Variants in DNAI1 observed in about 807,000 individuals in gnomAD.
DNAI1 encodes dynein, axonemal, intermediate polypeptide 1.
A neutral mutation model predicts 92.0 loss-of-function variants in DNAI1; 67 were observed. The observed-to-expected ratio is 0.73, with a 90% CI of 0.60 to 0.89. The LOEUF is 0.89. DNAI1 is among the 40% of genes least tolerant of loss of function. The pLI, the probability that DNAI1 is intolerant of heterozygous loss-of-function variation, is 0.00. For missense variants in DNAI1, 839 were observed against 866.6 expected (o/e 0.97, Z 0.40); for synonymous variants, 323 against 319.6 (o/e 1.01, Z -0.11).
At chr9:34,484,051 A>G (rs1824426151) in intron 2 of DNAI1, among the ~76,000 whole-genome samples, 1 of 152,042 alleles carries the variant, frequency 6.6e-6, no homozygotes, top group Non-Finnish European at 1.5e-5. Flanking sequence ...CCCCATCTCT[A>G]CTAAAATACA....
In DNAI1 at chr9:34,512,155, CTG is replaced by C. The variant is rs997138501; in HGVS notation, c.1362_1363del (p.Ser455IlefsTer2). On this transcript the variant is annotated frameshift_variant, in exon 14 of 20. Transcript: ENST00000242317. LOFTEE classifies it high-confidence loss of function. Reference sequence around the variant, plus strand: ...ATGGACCAAAACCTTAACTTCTTCTCTGTGTCATCTGACGGCAGGATTGTGTC... The same window carrying C: ...ATGGACCAAAACCTTAACTTCTTCTCTGTCATCTGACGGCAGGATTGTGTC... 2 of 1,614,204 alleles carry C rather than the reference CTG, an allele frequency of 1.2e-6. No homozygotes were observed. The highest frequency in any genetic ancestry group is 2.7e-5 in the African/African-American group (2 of 75,046).
Position 34,512,130 on chromosome 9 carries a change from A to G in DNAI1, c.1333A>G (p.Met445Val), listed in dbSNP as rs2132081299. The stretch of plus-strand genomic sequence containing the variant: ...TCAGGTCAAGTGGCAGAAGGATGAC[A>G]TGGACCAAAACCTTAACTTCTTCTC... Reference protein sequence around the residue: ...VWQVKWQKDDMDQNLNFFSVS... With the variant: ...VWQVKWQKDDVDQNLNFFSVS... The change falls in exon 14 of 20, where the codon ATG (methionine) becomes GTG (valine). Residue 445 changes from methionine (M) to valine (V), a missense_variant. Physicochemically the swap from Met to Val is conservative, Grantham distance 21. Coordinates refer to ENST00000242317, the MANE Select transcript of DNAI1 (RefSeq NM_012144.4). The G allele has an allele frequency of 6.2e-7, 1 of 1,614,168 alleles. No individual in the cohort carries two copies. Among genetic ancestry groups the G allele is most frequent in the Non-Finnish European group, 8.5e-7 (1 of 1,180,026 alleles).
intron 4 of DNAI1, among the ~76,000 whole-genome samples, chr9:34,486,877 A>G (rs1039249346): frequency 3.9e-5 from 6 of 152,208 alleles, no homozygotes; most frequent in Non-Finnish European, 7.3e-5. Context: ...ATTATACACC[A>G]TGTGGTCTTT....
At chr9:34,503,416 C>T (rs953438351) in intron 12 of DNAI1, among the ~76,000 whole-genome samples, 3 of 152,162 alleles carry the variant, frequency 2.0e-5, no homozygotes, top group Admixed American at 1.3e-4. Context: ...TTGGAAGCTC[C>T]CAGATACCAC....
In DNAI1 at chr9:34,516,806, C is replaced by A. The variant is rs561615839; in HGVS notation, c.1819-479C>A. Among the ~76,000 whole-genome samples the A allele has an allele frequency of 2.0e-5, 3 of 150,380 alleles. No homozygotes were observed. In the East Asian group the frequency reaches 5.8e-4, roughly 29 times the overall value. On this transcript the variant is annotated intron_variant, in intron 18 of 19. Coordinates refer to ENST00000242317, the MANE Select transcript of DNAI1 (RefSeq NM_012144.4). ...CCAGGCTGGAGTACAGTGGCTCCATCTTGGCTCACTGTAACCTCCGCCTCC... is the reference window on the plus strand; with the variant it reads ...CCAGGCTGGAGTACAGTGGCTCCATATTGGCTCACTGTAACCTCCGCCTCC...
chr9:34,514,508 G>A lies in DNAI1; in HGVS notation c.1684G>A (p.Asp562Asn), dbSNP rs1371519471. The A allele has an allele frequency of 7.4e-6, 12 of 1,614,058 alleles. No individual in the cohort carries two copies. Among genetic ancestry groups the A allele is most frequent in the Non-Finnish European group, 9.3e-6 (11 of 1,180,040 alleles). The change falls in exon 17 of 20, where the codon GAC (aspartate) becomes AAC (asparagine). Residue 562 changes from aspartate (D) to asparagine (N), a missense_variant. Physicochemically the swap from Asp to Asn is conservative, Grantham distance 23. Coordinates refer to ENST00000242317, the MANE Select transcript of DNAI1 (RefSeq NM_012144.4). ...HTKVFMSCSSDWTVKIWDHTI... is the reference protein window; with the variant it reads ...HTKVFMSCSSNWTVKIWDHTI... ...CAAGGTCTTCATGTCCTGCAGCTCC[G>A]ACTGGACAGTGAAGATCTGGGACCA...
intron 1 of DNAI1, among the ~76,000 whole-genome samples, chr9:34,482,390 C>T (rs1824377279): frequency 6.8e-6 from 1 of 146,598 alleles, no homozygotes. Context: ...CTCTGCACGT[C>T]CTCACCAGAG....
intron 1 of DNAI1, among the ~76,000 whole-genome samples, chr9:34,474,430 TCTCA>T (rs1824200996): frequency 6.6e-6 from 1 of 151,820 alleles, no homozygotes; most frequent in Non-Finnish European, 1.5e-5. Flanking sequence ...AGAGATGAAG[TCTCA>T]CTATGTTGCC....
intron 1 of DNAI1, among the ~76,000 whole-genome samples, chr9:34,473,579 A>G (rs952830486): frequency 7.2e-4 from 110 of 152,354 alleles, no homozygotes; most frequent in African/African-American, 2.5e-3. Context: ...GGTGTGAGCC[A>G]CCATGCCCAG....
intron 1 of DNAI1, among the ~76,000 whole-genome samples, chr9:34,465,709 G>C (rs898044387): frequency 6.6e-6 from 1 of 152,236 alleles, no homozygotes; most frequent in African/African-American, 2.4e-5. Flanking sequence ...TCCTGTGCTC[G>C]TTGCTGGGCT....
At chr9:34,490,846 T>C (rs1416477119) in intron 7 of DNAI1, among the ~76,000 whole-genome samples, 1 of 152,208 alleles carries the variant, frequency 6.6e-6, no homozygotes, top group Non-Finnish European at 1.5e-5. Flanking sequence ...GTTGATGATC[T>C]CTGTGATAGA....
Position 34,458,950 on chromosome 9 carries a change from G to T in DNAI1, c.-56G>T. ...TTTCTTGTGTGTGGTCAAGGAGACG[G>T]ACAAACTTTTTGTCTTCAGACGAGG... is the stretch of plus-strand genomic sequence containing the variant. On this transcript the variant is annotated 5_prime_UTR_variant, in exon 1 of 20. Coordinates refer to ENST00000242317, the MANE Select transcript of DNAI1 (RefSeq NM_012144.4). The surrounding 1 kb of genome is among the most constrained non-coding windows in gnomAD (Gnocchi z 6.6). 2 of 1,550,778 alleles carry T rather than the reference G, an allele frequency of 1.3e-6. No homozygotes were observed. Among genetic ancestry groups the T allele is most frequent in the Admixed American group, 3.3e-5 (2 of 59,842 alleles).
Position 34,481,098 on chromosome 9 carries a change from G to A in DNAI1, c.49-2350G>A, listed in dbSNP as rs147926199. ...TCTACTAAAAATACAAAAATTAGCCGGGCGTGGTGGCAGACGCCTGTAACC... is the reference window on the plus strand; with the variant it reads ...TCTACTAAAAATACAAAAATTAGCCAGGCGTGGTGGCAGACGCCTGTAACC... On this transcript the variant is annotated intron_variant, in intron 1 of 19. Transcript: ENST00000242317. 4.5e-4 allele frequency among the ~76,000 whole-genome samples: 68 copies of A among 152,182 alleles called. No homozygotes were observed. In the East Asian group the frequency reaches 0.01, roughly 23 times the overall value.
intron 8 of DNAI1, among the ~76,000 whole-genome samples, chr9:34,492,829 T>A (rs1044428101): frequency 1.3e-5 from 2 of 151,884 alleles, no homozygotes; most frequent in Non-Finnish European, 2.9e-5. Context: ...CCTATTTTTT[T>A]AAATGTTCTA....
chr9:34,461,874 G>A (rs2132037521), intron 1 of DNAI1, among the ~76,000 whole-genome samples: 2 of 152,146 alleles, frequency 1.3e-5, no homozygotes, highest in East Asian at 3.8e-4. Flanking sequence ...TCAGTTCAAT[G>A]GGGGAGACAG....
chr9:34,517,748 A>T (rs1213227302), intron 19 of DNAI1, among the ~76,000 whole-genome samples: 2 of 152,198 alleles, frequency 1.3e-5, no homozygotes, highest in African/African-American at 4.8e-5. Flanking sequence ...GCAAATGTGG[A>T]GGTATCATTG....
At chr9:34,486,090 G>A (rs754352928) in intron 4 of DNAI1, among the ~76,000 whole-genome samples, 8 of 152,052 alleles carry the variant, frequency 5.3e-5, no homozygotes, top group Non-Finnish European at 8.8e-5. Flanking sequence ...CCTATATAGG[G>A]GACAATACTC....
At chr9:34,491,377 T>A in intron 7 of DNAI1, 118 bp from the exon 8 acceptor site, 1 of 1,012,796 alleles carries the variant, frequency 9.9e-7, no homozygotes, top group South Asian at 1.3e-5. Context: ...CTTCCCCAGC[T>A]CTGTGTCCCA....
chr9:34,492,601 C>T (rs1026074751), intron 8 of DNAI1, among the ~76,000 whole-genome samples: 6 of 147,436 alleles, frequency 4.1e-5, no homozygotes, highest in Non-Finnish European at 7.5e-5. Context: ...CTCACTGCAA[C>T]TTCTGCCTCC....
Sources: gnomAD v4.1 joint callset for allele counts (sites outside exome capture counted in the v4.1 genomes callset) on GRCh38, gnomAD v4.1.1 for gene constraint, Gnocchi (gnomAD v3.1) non-coding constraint, MANE v1.5 for transcripts, NCBI Gene and HGNC (gene_info 2026-07-23, HGNC 2026-07-21) for gene names.